The following CHST12 variants were observed in gnomAD, a reference collection of about 807,000 sequenced individuals.
CHST12 encodes the protein carbohydrate (chondroitin 4) sulfotransferase 12.
A neutral mutation model predicts 27.9 loss-of-function variants in CHST12; 23 were observed. The observed-to-expected ratio is 0.82, with a 90% CI of 0.59 to 1.17. The LOEUF (loss-of-function observed/expected upper bound fraction) is 1.17. Ranked by LOEUF, CHST12 falls within the 50% of genes most tolerant of loss-of-function variation. The pLI, the probability that CHST12 is intolerant of heterozygous loss-of-function variation, is 0.00. For missense variants in CHST12, 682 were observed against 603.0 expected (o/e 1.13, Z -1.37); for synonymous variants, 322 against 273.0 (o/e 1.18, Z -1.77).
intron 1 of CHST12, among the ~76,000 whole-genome samples, chr7:2,408,135 C>T (rs1478272499): frequency 1.3e-5 from 2 of 151,256 alleles, no homozygotes; most frequent in Non-Finnish European, 3.0e-5. Context: ...TTTGGGTGGC[C>T]GAGGTGGACG....
rs1369527221 is a variant in CHST12, at chr7:2,448,174, A to G, written c.*14290A>G. 1 of 152,214 alleles carries G rather than the reference A, an allele frequency of 6.6e-6. No homozygotes were observed. Among genetic ancestry groups the G allele is most frequent in the Admixed American group, 6.5e-5 (1 of 15,268 alleles). The allele number at this position is 152,214 out of a possible 1,614,324, so 9.4% of individuals were successfully genotyped here. A position where few individuals can be genotyped will look rare whatever the true frequency, so the allele number is the denominator to read the frequency against. ...TGAGCCGCCGTGCCTGGCCACAAACATATTTTAAATTTGAACAATAAAGGA... is the reference window on the plus strand; with the variant it reads ...TGAGCCGCCGTGCCTGGCCACAAACGTATTTTAAATTTGAACAATAAAGGA... On this transcript the variant is annotated 3_prime_UTR_variant, in exon 2 of 2. Transcript: ENST00000618655.
In CHST12 at chr7:2,418,046, A is replaced by C. The variant is rs560192590; in HGVS notation, c.-78+14373A>C. ...TCACGGTGACACACAGCTGAACACG[A>C]GTGAGCTAAGGCCATAGCTGTCTGT... On this transcript the variant is annotated intron_variant, in intron 1 of 1. Coordinates refer to ENST00000618655, the MANE Select transcript of CHST12 (RefSeq NM_018641.5). 2.0e-5 allele frequency among the ~76,000 whole-genome samples: 3 copies of C among 152,346 alleles called. 1 individual carries two copies. In the East Asian group the frequency reaches 5.8e-4, roughly 29 times the overall value.
In CHST12 at chr7:2,433,925, C is replaced by G; in HGVS notation, c.*41C>G. 8 of 1,513,618 alleles carry G rather than the reference C, an allele frequency of 5.3e-6. No individual in the cohort carries two copies. Among genetic ancestry groups the G allele is most frequent in the Non-Finnish European group, 7.1e-6 (8 of 1,127,032 alleles). The allele number at this position is 1,513,618 out of a possible 1,614,324, so 93.8% of individuals were successfully genotyped here. A position where few individuals can be genotyped will look rare whatever the true frequency, so the allele number is the denominator to read the frequency against. On this transcript the variant is annotated 3_prime_UTR_variant, in exon 2 of 2. Coordinates refer to ENST00000618655, the MANE Select transcript of CHST12 (RefSeq NM_018641.5). This position sits in a 1 kb window ranked among gnomAD's most constrained non-coding sequence, Gnocchi z 6.1. ...TTTTTCTCGCGTGCCTGGAACCTGA[C>G]GCACGCGCACTCCAGTTTTTTTATG... is the stretch of plus-strand genomic sequence containing the variant.
chr7:2,409,641 G>A (rs1781613072), intron 1 of CHST12, among the ~76,000 whole-genome samples: 1 of 143,698 alleles, frequency 7.0e-6, no homozygotes, highest in Non-Finnish European at 1.5e-5. Flanking sequence ...AAAAAAAAAA[G>A]AATCATGGAG....
intron 1 of CHST12, among the ~76,000 whole-genome samples, chr7:2,422,465 G>A (rs544666892): frequency 4.5e-4 from 69 of 151,926 alleles, no homozygotes; most frequent in African/African-American, 1.6e-3. Flanking sequence ...GGCTGGTCTC[G>A]AACTCCTGAC....
intron 1 of CHST12, among the ~76,000 whole-genome samples, chr7:2,429,386 T>G (rs1340520070): frequency 6.6e-6 from 1 of 152,158 alleles, no homozygotes; most frequent in Non-Finnish European, 1.5e-5. Flanking sequence ...TCTTTTTTTT[T>G]GTACTTATTT....
At chr7:2,412,757 G>A (rs949123053) in intron 1 of CHST12, among the ~76,000 whole-genome samples, 2 of 152,240 alleles carry the variant, frequency 1.3e-5, no homozygotes, top group African/African-American at 4.8e-5. Context: ...ACTTGTGCAA[G>A]TCTGTAGCTA....
intron 1 of CHST12, among the ~76,000 whole-genome samples, chr7:2,425,270 C>T (rs1297965375): frequency 2.0e-5 from 3 of 151,646 alleles, no homozygotes; most frequent in Non-Finnish European, 2.9e-5. Flanking sequence ...CAGTGAGGAC[C>T]GCGCTTAGTC....
intron 1 of CHST12, among the ~76,000 whole-genome samples, chr7:2,415,367 A>C (rs1392930349): frequency 6.8e-6 from 1 of 147,642 alleles, no homozygotes; most frequent in Admixed American, 6.8e-5. Context: ...CTCTGCCTCA[A>C]AAAAAAAAAA....
rs145480385 is a variant in CHST12, at chr7:2,424,343, TAAAG to T, written c.-77-8213_-77-8210del. Among the ~76,000 whole-genome samples, 848 of 150,694 alleles carry T rather than the reference TAAAG, an allele frequency of 5.6e-3. 10 individuals are homozygous for T. The highest frequency in any genetic ancestry group is 0.02 in the African/African-American group (825 of 41,270). Reference sequence around the variant, plus strand: ...GGTGAGACCCTGACTCTAAAGAATATAAAGAAAGAACATGAATTAAGAATCCACA... The same window carrying T: ...GGTGAGACCCTGACTCTAAAGAATATAAAGAACATGAATTAAGAATCCACA... On this transcript the variant is annotated intron_variant, in intron 1 of 1. Coordinates refer to ENST00000618655, the MANE Select transcript of CHST12 (RefSeq NM_018641.5).
Position 2,433,197 on chromosome 7 carries a change from C to T in CHST12, c.558C>T (p.Ser186=), listed in dbSNP as rs140680045. The T allele has an allele frequency of 2.2e-3, 3,567 of 1,612,852 alleles. 16 individuals are homozygous for T. Among genetic ancestry groups the T allele is most frequent in the Non-Finnish European group, 2.5e-3 (2,905 of 1,179,574 alleles). Residue 186 remains serine, a synonymous_variant, in exon 2 of 2, where the codon AGC becomes AGT. Transcript: ENST00000618655. This position sits in a 1 kb window ranked among gnomAD's most constrained non-coding sequence, Gnocchi z 6.1. ...GGAAGCGCGTGATGATCGTGCTGAG[C>T]GGAAGCCTGCTGCACCGCGGTGCGC... ...TNWKRVMIVL[S]GSLLHRGAPY...
chr7:2,444,820 T>C lies in CHST12; in HGVS notation c.*10936T>C, dbSNP rs1782710352. On this transcript the variant is annotated 3_prime_UTR_variant, in exon 2 of 2. Transcript: ENST00000618655. Reference sequence around the variant, plus strand: ...GTGTCCTCACAGAGCAAGGAAGTTCTGTGAGCCTCATTCAATCATCTGAGG... The same window carrying C: ...GTGTCCTCACAGAGCAAGGAAGTTCCGTGAGCCTCATTCAATCATCTGAGG... 1 of 152,272 alleles carries C rather than the reference T, an allele frequency of 6.6e-6. No homozygotes were observed. Among genetic ancestry groups the C allele is most frequent in the Non-Finnish European group, 1.5e-5 (1 of 68,046 alleles). The allele number at this position is 152,272 out of a possible 1,614,324, so 9.4% of individuals were successfully genotyped here.
rs17132399 is a variant in CHST12 at position 2,433,072 on chromosome 7, G to T, written c.433G>T (p.Ala145Ser). 45 of 1,612,038 alleles carry T rather than the reference G, an allele frequency of 2.8e-5. No homozygotes were observed. The highest frequency in any genetic ancestry group is 3.6e-5 in the Non-Finnish European group (42 of 1,179,678). ...SSLAFPTKER[A>S]FDDIPNSELS... Reference sequence around the variant, plus strand: ...CCTGGCCTTCCCCACCAAGGAGCGCGCATTCGACGACATCCCCAACTCGGA... The same window carrying T: ...CCTGGCCTTCCCCACCAAGGAGCGCTCATTCGACGACATCCCCAACTCGGA... Residue 145 changes from alanine to serine, a missense_variant, in exon 2 of 2, where the codon GCA becomes TCA. By Grantham distance (99) the Ala-to-Ser change is moderately conservative. Coordinates refer to ENST00000618655, the MANE Select transcript of CHST12 (RefSeq NM_018641.5). This position sits in a 1 kb window ranked among gnomAD's most constrained non-coding sequence, Gnocchi z 6.1.
In CHST12 at chr7:2,403,679, GGGCGCGGC is replaced by G; in HGVS notation, c.-78+9_-78+16del. Reference sequence around the variant, plus strand: ...CGCGAGGTGAGGGTCGCGAGGTGAGGGGCGCGGCGGGCGGCGGGCTCGGGGCGCGGTCT... The same window carrying G: ...CGCGAGGTGAGGGTCGCGAGGTGAGGGGGCGGCGGGCTCGGGGCGCGGTCT... On this transcript the variant is annotated splice_region_variant and intron_variant, in intron 1 of 1. Coordinates refer to ENST00000618655, the MANE Select transcript of CHST12 (RefSeq NM_018641.5). 2 of 154,036 alleles carry G rather than the reference GGGCGCGGC, an allele frequency of 1.3e-5. No individual in the cohort carries two copies. The highest frequency in any genetic ancestry group is 2.9e-5 in the Non-Finnish European group (2 of 69,770). 9.5% of individuals were successfully genotyped at this position (154,036 alleles called of 1,614,324 possible). A position where few individuals can be genotyped will look rare whatever the true frequency, so the allele number is the denominator to read the frequency against.
chr7:2,415,858 C>T (rs1010162286), intron 1 of CHST12, among the ~76,000 whole-genome samples: 7 of 152,154 alleles, frequency 4.6e-5, no homozygotes, highest in Admixed American at 2.0e-4. Flanking sequence ...TTGTGATCCG[C>T]GCACCTCAGC....
At chr7:2,413,231 C>G (rs982344165) in intron 1 of CHST12, among the ~76,000 whole-genome samples, 1 of 152,184 alleles carries the variant, frequency 6.6e-6, no homozygotes, top group African/African-American at 2.4e-5. Context: ...CTCCCAGTCC[C>G]TCCGTGTCTG....
intron 1 of CHST12, among the ~76,000 whole-genome samples, chr7:2,414,066 A>G (rs760402990): frequency 2.6e-5 from 4 of 151,960 alleles, no homozygotes; most frequent in East Asian, 3.9e-4. Context: ...TTGATGACTA[A>G]TGATGATGAG....
Position 2,433,348 on chromosome 7 carries a change from A to G in CHST12, c.709A>G (p.Lys237Glu). ...SRHLMKVKLKKYTKFLFVRDP... is the reference protein window; with the variant it reads ...SRHLMKVKLKEYTKFLFVRDP... ...CCACCTCATGAAGGTCAAGCTCAAG[A>G]AGTACACCAAGTTCCTCTTCGTGCG... Residue 237 changes from lysine (K) to glutamate (E), a missense_variant, in exon 2 of 2, where the codon AAG becomes GAG. Physicochemically the swap from Lys to Glu is moderately conservative, Grantham distance 56. Coordinates refer to ENST00000618655, the MANE Select transcript of CHST12 (RefSeq NM_018641.5). This position sits in a 1 kb window ranked among gnomAD's most constrained non-coding sequence, Gnocchi z 6.1. The G allele has an allele frequency of 6.2e-7, 1 of 1,612,294 alleles. No individual in the cohort carries two copies. Among genetic ancestry groups the G allele is most frequent in the Non-Finnish European group, 8.5e-7 (1 of 1,179,942 alleles).
chr7:2,422,628 C>T (rs180784685), intron 1 of CHST12, among the ~76,000 whole-genome samples: 44 of 152,004 alleles, frequency 2.9e-4, no homozygotes, highest in African/African-American at 6.0e-4. Flanking sequence ...CTGCGACTCC[C>T]GGGTTCAAGC....
Sources: allele counts gnomAD v4.1 joint callset (sites outside exome capture counted in the v4.1 genomes callset), GRCh38; gene constraint gnomAD v4.1.1; non-coding constraint Gnocchi (gnomAD v3.1); transcripts MANE v1.5; gene names NCBI Gene and HGNC (gene_info 2026-07-23, HGNC 2026-07-21).